Variants in RARS2 observed in about 807,000 individuals in gnomAD.
RARS2 encodes arginyl-tRNA synthetase 2, mitochondrial, also known as probable arginine--tRNA ligase, mitochondrial.
In RARS2, 67 loss-of-function variants were observed where a neutral mutation model predicts 88.5. That is an observed-to-expected ratio of 0.76 (90% confidence interval 0.62 to 0.93). The LOEUF (loss-of-function observed/expected upper bound fraction) is 0.93. RARS2 is among the 40% of genes least tolerant of loss of function. The probability of loss-of-function intolerance (pLI) is 0.00; values close to 1 mark genes in which losing one functional copy is unlikely to be tolerated. For missense variants in RARS2, 664 were observed against 684.2 expected, an observed-to-expected ratio of 0.97 and a Z score of 0.33; for synonymous variants, 239 against 230.3, an observed-to-expected ratio of 1.04 and a Z score of -0.34.
At chr6:87,572,620 C>T (rs934979636) in intron 1 of RARS2, among the ~76,000 whole-genome samples, 7 of 152,026 alleles carry the variant, frequency 4.6e-5, no homozygotes, top group South Asian at 2.1e-4. Flanking sequence ...TGGAGTGCAG[C>T]GGCTCACAAT....
intron 2 of RARS2, among the ~76,000 whole-genome samples, chr6:87,565,381 G>A (rs1767557227): frequency 1.3e-5 from 2 of 151,792 alleles, no homozygotes; most frequent in African/African-American, 2.4e-5. Context: ...TCACTGGGTA[G>A]GTGAAAAAAA....
intron 7 of RARS2, among the ~76,000 whole-genome samples, chr6:87,542,340 TC>T (rs1363497141): frequency 6.6e-6 from 1 of 152,164 alleles, no homozygotes; most frequent in Non-Finnish European, 1.5e-5. Context: ...TTATTAAGCA[TC>T]TACTCTGTTG....
intron 18 of RARS2, among the ~76,000 whole-genome samples, chr6:87,515,540 A>G (rs7770458): frequency 0.064 from 9,671 of 151,824 alleles, 391 homozygotes; most frequent in African/African-American, 0.12. Context: ...AAAGATTATG[A>G]TTTCAATGTT....
intron 7 of RARS2, among the ~76,000 whole-genome samples, chr6:87,544,463 A>G (rs563835360): frequency 6.6e-6 from 1 of 152,380 alleles, no homozygotes; most frequent in Admixed American, 6.5e-5. Flanking sequence ...AACATAAGAC[A>G]GGAGCCTTAC....
intron 4 of RARS2, among the ~76,000 whole-genome samples, chr6:87,556,882 G>C (rs534424413): frequency 6.6e-6 from 1 of 151,568 alleles, no homozygotes; most frequent in Non-Finnish European, 1.5e-5. Flanking sequence ...GAACTCCTGG[G>C]CTCAAATGAT....
chr6:87,554,309 C>T (rs1785155106), intron 5 of RARS2, among the ~76,000 whole-genome samples: 1 of 152,018 alleles, frequency 6.6e-6, no homozygotes, highest in African/African-American at 2.4e-5. Context: ...CTCTAACAGT[C>T]CAAATATCAG....
intron 16 of RARS2, 31 bp from the exon 17 acceptor site, chr6:87,518,295 A>G (rs368668413): frequency 1.2e-6 from 2 of 1,613,902 alleles, no homozygotes; most frequent in Non-Finnish European, 1.7e-6. Flanking sequence ...AAAAACATCA[A>G]AAGATTAAAA....
chr6:87,538,404 T>C (rs1416949835), intron 8 of RARS2, among the ~76,000 whole-genome samples: 1 of 152,216 alleles, frequency 6.6e-6, no homozygotes, highest in Non-Finnish European at 1.5e-5. Context: ...TACCCATCAG[T>C]AAATAACCTC....
intron 4 of RARS2, among the ~76,000 whole-genome samples, chr6:87,559,979 A>T (rs1239835707): frequency 3.9e-5 from 6 of 152,258 alleles, no homozygotes; most frequent in Non-Finnish European, 7.3e-5. Context: ...GGTATTTTAC[A>T]TGATGCACAA....
chr6:87,523,589 C>T (rs1310377329), intron 11 of RARS2, among the ~76,000 whole-genome samples: 2 of 152,052 alleles, frequency 1.3e-5, no homozygotes, highest in East Asian at 3.9e-4. Flanking sequence ...TGAAAAAACA[C>T]CAAATTAGGA....
chr6:87,559,499 G>T (rs908790847), intron 4 of RARS2, among the ~76,000 whole-genome samples: 2 of 148,296 alleles, frequency 1.3e-5, no homozygotes, highest in African/African-American at 5.0e-5. Context: ...AAGAGACAGG[G>T]TCTTGCTGTG....
rs928313072 is a variant in RARS2, at chr6:87,587,191, C to G, written c.36+2731G>C. ...TGAGCCACCATACCCAGCTCCTAAT[C>G]TGAAAATCTGGAATTCTCCAATGAA... is the stretch of plus-strand genomic sequence containing the variant. On this transcript the variant is annotated intron_variant, in intron 1 of 19. Transcript: ENST00000369536. Among the ~76,000 whole-genome samples, 10 of 152,292 alleles carry G rather than the reference C, an allele frequency of 6.6e-5. No individual in the cohort carries two copies. The East Asian group carries it at 1.7e-3, about 26-fold the overall frequency.
intron 1 of RARS2, among the ~76,000 whole-genome samples, chr6:87,587,451 C>T (rs1054216263): frequency 2.0e-5 from 3 of 152,160 alleles, no homozygotes; most frequent in African/African-American, 4.8e-5. Flanking sequence ...CAGAGAAATA[C>T]ATATATATCT....
chr6:87,569,144 A>G (rs1199385593), intron 2 of RARS2, among the ~76,000 whole-genome samples: 2 of 152,238 alleles, frequency 1.3e-5, no homozygotes, highest in East Asian at 3.8e-4. Context: ...CAAGCACCAG[A>G]TGGCTGTACA....
chr6:87,545,157 G>A (rs1414469797), intron 7 of RARS2, among the ~76,000 whole-genome samples: 1 of 152,172 alleles, frequency 6.6e-6, no homozygotes, highest in African/African-American at 2.4e-5. Context: ...GGGTGCAGTG[G>A]ACTGCAGTCT....
chr6:87,515,091 C>A lies in RARS2; in HGVS notation c.1587-71G>T, dbSNP rs141572172. 7 of 1,134,444 alleles carry A rather than the reference C, an allele frequency of 6.2e-6. No homozygotes were observed. In the African/African-American group the frequency reaches 1.1e-4, roughly 17 times the overall value. 70.3% of individuals were successfully genotyped at this position (1,134,444 alleles called of 1,614,324 possible). Reference sequence around the variant, plus strand: ...CTGTTGTAAGATATGAGCTTGATATCTAATCTTACTCCTTCAACTTAATAA... The same window carrying A: ...CTGTTGTAAGATATGAGCTTGATATATAATCTTACTCCTTCAACTTAATAA... On this transcript the variant is annotated intron_variant, in intron 18 of 19. Transcript: ENST00000369536.
chr6:87,536,379 G>C (rs1204311368), intron 8 of RARS2, among the ~76,000 whole-genome samples: 2 of 152,154 alleles, frequency 1.3e-5, no homozygotes, highest in Admixed American at 1.3e-4. Flanking sequence ...GCTCACACCT[G>C]TAATCCCAGC....
chr6:87,522,594 A>T (rs1774290692), intron 11 of RARS2, among the ~76,000 whole-genome samples: 1 of 152,136 alleles, frequency 6.6e-6, no homozygotes, highest in Non-Finnish European at 1.5e-5. Context: ...TGTCATTAGT[A>T]CCTATCTCAT....
chr6:87,540,862 C>T (rs1427219872), intron 8 of RARS2, among the ~76,000 whole-genome samples: 1 of 151,986 alleles, frequency 6.6e-6, no homozygotes, highest in African/African-American at 2.4e-5. Context: ...GGACAAAAGC[C>T]AGGAAAAGGA....
Sources: gnomAD v4.1 joint callset for allele counts (sites outside exome capture counted in the v4.1 genomes callset) on GRCh38, gnomAD v4.1.1 for gene constraint, MANE v1.5 for transcripts, NCBI Gene and HGNC (gene_info 2026-07-23, HGNC 2026-07-21) for gene names.